Variants in ZNF529 observed in about 807,000 individuals in gnomAD.
The protein encoded by ZNF529 is zinc finger protein 529.
In ZNF529, 11 loss-of-function variants were observed where a neutral mutation model predicts 10.1. That is an observed-to-expected ratio of 1.09 (90% CI 0.69 to 1.81). ZNF529 has a LOEUF of 1.81. Ranked by LOEUF, ZNF529 falls within the 40% of genes most tolerant of loss-of-function variation. The pLI, the probability that ZNF529 is intolerant of heterozygous loss-of-function variation, is 0.00. For missense variants in ZNF529, 624 were observed against 666.8 expected (o/e 0.94, Z 0.71); for synonymous variants, 204 against 215.7 (o/e 0.95, Z 0.47).
intron 4 of ZNF529, among the ~76,000 whole-genome samples, chr19:36,550,773 GCAAA>G (rs746694420): frequency 1.3e-5 from 2 of 152,074 alleles, no homozygotes; most frequent in African/African-American, 2.4e-5. Flanking sequence ...TGAGGAATTA[GCAAA>G]CAATCACTAG....
At chr19:36,573,346 G>A (rs2036219118), upstream of ZNF529, 1 of 437,494 alleles carries the variant, frequency 2.3e-6, no homozygotes, top group South Asian at 1.6e-5. Context: ...TGAGGCCTGT[G>A]GGAAACGTAG....
upstream of ZNF529, chr19:36,577,620 G>C (rs971968643): frequency 6.6e-6 from 1 of 152,612 alleles, no homozygotes; most frequent in African/African-American, 2.4e-5. Flanking sequence ...GCTGGGACTA[G>C]AGGCACATGC....
chr19:36,563,057 C>A (rs993191401), intron 2 of ZNF529, among the ~76,000 whole-genome samples: 1 of 152,132 alleles, frequency 6.6e-6, no homozygotes. Context: ...TCATAAACTA[C>A]AGAACTGTGA....
chr19:36,548,698 C>T (rs774989459), intron 4 of ZNF529, among the ~76,000 whole-genome samples: 3 of 152,122 alleles, frequency 2.0e-5, no homozygotes, highest in Non-Finnish European at 2.9e-5. Flanking sequence ...TAAATTTTAC[C>T]GAGGATAATA....
chr19:36,552,589 A>G (rs77333706), intron 4 of ZNF529, among the ~76,000 whole-genome samples: 13,473 of 152,232 alleles, frequency 0.089, 775 homozygotes, highest in Non-Finnish European at 0.13. Context: ...CTGATTGGCC[A>G]TCACTCACCT....
At chr19:36,563,614 C>A (rs2035795162) in intron 2 of ZNF529, among the ~76,000 whole-genome samples, 1 of 151,982 alleles carries the variant, frequency 6.6e-6, no homozygotes, top group Admixed American at 6.6e-5. Context: ...ACAATGAGAA[C>A]CACAAAACAC....
In ZNF529 at chr19:36,602,435, T is replaced by C. The variant is rs1042217553; in HGVS notation, c.-128+2691A>G. On this transcript the variant is annotated intron_variant, in intron 1 of 4. Coordinates refer to the ZNF529 transcript ENST00000585960. ...TATAATTTTCACATGTCATGAAATA[T>C]TACTCTCCTTTTTTTTTTTTTCGTG... Among the ~76,000 whole-genome samples, 3 of 139,514 alleles carry C rather than the reference T, an allele frequency of 2.2e-5. No homozygotes were observed. The South Asian group carries it at 6.4e-4, about 30-fold the overall frequency. 91.5% of individuals were successfully genotyped at this position (139,514 alleles called of 152,430 possible). A position where few individuals can be genotyped will look rare whatever the true frequency, so the allele number is the denominator to read the frequency against.
chr19:36,554,109 C>T (rs1004699788), intron 4 of ZNF529, among the ~76,000 whole-genome samples: 1 of 152,152 alleles, frequency 6.6e-6, no homozygotes, highest in African/African-American at 2.4e-5. Flanking sequence ...CAATGATATG[C>T]TATATGTGTC....
intron 3 of ZNF529, among the ~76,000 whole-genome samples, chr19:36,555,288 GTTTT>G (rs1174016214): frequency 1.1e-5 from 1 of 90,262 alleles, no homozygotes. Context: ...CAGCGATAAA[GTTTT>G]TTTTTTTTTT....
intron 2 of ZNF529, chr19:36,580,295 C>A (rs2036434677): frequency 1.3e-5 from 2 of 151,546 alleles, no homozygotes; most frequent in African/African-American, 4.9e-5. Flanking sequence ...GGAGTACAGT[C>A]TAAAATAATA....
intron 2 of ZNF529, among the ~76,000 whole-genome samples, chr19:36,571,480 G>C (rs1303081788): frequency 6.6e-6 from 1 of 151,924 alleles, no homozygotes; most frequent in African/African-American, 2.4e-5. Context: ...TTCGATACCA[G>C]CCCAGCCAAC....
At chr19:36,603,759 A>G (rs1466045098) in intron 1 of ZNF529, among the ~76,000 whole-genome samples, 1 of 152,212 alleles carries the variant, frequency 6.6e-6, no homozygotes, top group Non-Finnish European at 1.5e-5. Context: ...TCTTCCCTTC[A>G]TAAAGAAAAG....
chr19:36,588,814 C>T (rs575763197), intron 2 of ZNF529, among the ~76,000 whole-genome samples: 3 of 152,238 alleles, frequency 2.0e-5, no homozygotes, highest in South Asian at 2.1e-4. Flanking sequence ...ACTTGCCCAA[C>T]GAATCTCTTC....
chr19:36,564,272 A>G (rs1297204413), intron 2 of ZNF529, among the ~76,000 whole-genome samples: 2 of 152,356 alleles, frequency 1.3e-5, no homozygotes, highest in Admixed American at 6.5e-5. Context: ...CTAACTAAAG[A>G]GCTTCCGCTC....
At chr19:36,573,400 C>T (rs1200338319), upstream of ZNF529, 1 of 466,454 alleles carries the variant, frequency 2.1e-6, no homozygotes, top group Admixed American at 2.4e-5. Context: ...AGCCCGCTGG[C>T]CGCAGGGGCC....
At chr19:36,587,690 GTAA>G (rs2036611797) in intron 2 of ZNF529, among the ~76,000 whole-genome samples, 1 of 152,158 alleles carries the variant, frequency 6.6e-6, no homozygotes, top group Non-Finnish European at 1.5e-5. Context: ...TAAAAAGAAA[GTAA>G]TAATGATACA....
intron 4 of ZNF529, among the ~76,000 whole-genome samples, chr19:36,549,238 C>CA (rs1178027916): frequency 6.6e-6 from 1 of 152,104 alleles, no homozygotes; most frequent in East Asian, 1.9e-4. Flanking sequence ...GCCTTACCCT[C>CA]ATATATATTT....
intron 1 of ZNF529, among the ~76,000 whole-genome samples, chr19:36,592,708 A>G (rs887878604): frequency 1.3e-5 from 2 of 152,148 alleles, no homozygotes; most frequent in Non-Finnish European, 2.9e-5. Context: ...AAAGAAAAAG[A>G]GAAATAGAAA....
chr19:36,552,754 G>C (rs910410178), intron 4 of ZNF529, among the ~76,000 whole-genome samples: 1 of 152,124 alleles, frequency 6.6e-6, no homozygotes. Context: ...ATACAGCTTT[G>C]AGAATTGGCT....
Sources: allele counts gnomAD v4.1 joint callset (sites outside exome capture counted in the v4.1 genomes callset), GRCh38; gene constraint gnomAD v4.1.1; transcripts MANE v1.5; gene names NCBI Gene and HGNC (gene_info 2026-07-23, HGNC 2026-07-21).